Variants in ZFHX3 observed in about 807,000 individuals in gnomAD.
ZFHX3 encodes the protein zinc finger homeobox protein 3.
ZFHX3 carries 42 observed loss-of-function variants against 279.1 expected under a neutral mutation model. The ratio of observed to expected loss-of-function variants is 0.15; its 90% CI spans 0.12 to 0.19. The LOEUF is 0.19. ZFHX3 is among the 10% of genes least tolerant of loss of function. ZFHX3 has a pLI of 1.00. For synonymous variants in ZFHX3, 2,293 were observed against 1,957.8 expected, an observed-to-expected ratio of 1.17 and a Z score of -4.52; for missense variants, 4,981 against 4,754.0, an observed-to-expected ratio of 1.05 and a Z score of -1.40.
At chr16:73,577,827 T>G (rs941471681) in intron 2 of ZFHX3, among the ~76,000 whole-genome samples, 1 of 152,234 alleles carries the variant, frequency 6.6e-6, no homozygotes, top group Non-Finnish European at 1.5e-5. Flanking sequence ...ATTTAATAAC[T>G]GAGTGAAGAG....
At chr16:73,642,526 T>C (rs2052583128) in intron 2 of ZFHX3, among the ~76,000 whole-genome samples, 1 of 152,220 alleles carries the variant, frequency 6.6e-6, no homozygotes. Context: ...TATTCAAAGA[T>C]AAACAGCTCT....
In ZFHX3 at chr16:73,249,087, G is replaced by A. The variant is rs549272139; in HGVS notation, c.-1104+7960C>T. Among the ~76,000 whole-genome samples the A allele has an allele frequency of 1.8e-4, 27 of 152,230 alleles. 1 individual carries two copies. The highest frequency in any genetic ancestry group is 1.1e-3 in the Admixed American group (17 of 15,286). ...CCTCAATAATACGCCTCCTTTCCTT[G>A]AATAATCTATTTCAGTTGCATTATT... On this transcript the variant is annotated intron_variant, in intron 5 of 17. Transcript: ENST00000641206.
At position 73,245,526 on chromosome 16, in the gene ZFHX3, T is replaced by C. The variant is rs372350201; in HGVS notation, c.-1104+11521A>G. 9.9e-5 allele frequency among the ~76,000 whole-genome samples: 15 copies of C among 152,234 alleles called. 1 individual carries two copies. Among genetic ancestry groups the C allele is most frequent in the African/African-American group, 3.6e-4 (15 of 41,532 alleles). ...ATAAATAGATGATGCCTTAAAAAAA[T>C]AGATGATGAATAAGTCATAATAATG... On this transcript the variant is annotated intron_variant, in intron 5 of 17. Coordinates refer to the ZFHX3 transcript ENST00000641206.
At chr16:72,947,963 C>T (rs914732978) in intron 3 of ZFHX3, among the ~76,000 whole-genome samples, 1 of 152,212 alleles carries the variant, frequency 6.6e-6, no homozygotes. Flanking sequence ...CTCAAACCAC[C>T]TCCAATCCCC....
intron 8 of ZFHX3, among the ~76,000 whole-genome samples, chr16:73,080,163 T>G (rs1965927812): frequency 6.6e-6 from 1 of 152,246 alleles, no homozygotes; most frequent in African/African-American, 2.4e-5. Context: ...TCTCCCACAG[T>G]ACAGCAGGAT....
At chr16:73,870,473 C>T (rs887838959) in intron 1 of ZFHX3, among the ~76,000 whole-genome samples, 1 of 152,202 alleles carries the variant, frequency 6.6e-6, no homozygotes, top group Admixed American at 6.5e-5. Flanking sequence ...GCCAAAGCGG[C>T]TTCACACTAG....
chr16:72,805,902 T>C (rs1326572382), intron 7 of ZFHX3: 1 of 152,404 alleles, frequency 6.6e-6, no homozygotes, highest in Non-Finnish European at 1.5e-5. Context: ...TTCTTTCTTT[T>C]TTTTTTTGAG....
intron 3 of ZFHX3, among the ~76,000 whole-genome samples, chr16:73,384,016 T>C (rs997887113): frequency 6.6e-6 from 1 of 152,048 alleles, no homozygotes; most frequent in Non-Finnish European, 1.5e-5. Flanking sequence ...AAGAAAGAAA[T>C]GAATGAATGA....
At chr16:73,748,748 T>C (rs1238070412) in intron 1 of ZFHX3, among the ~76,000 whole-genome samples, 2 of 152,210 alleles carry the variant, frequency 1.3e-5, no homozygotes, top group East Asian at 1.9e-4. Context: ...TTGCCTAGTA[T>C]AAATGGCATG....
chr16:73,630,131 T>C (rs1388258550), intron 2 of ZFHX3, among the ~76,000 whole-genome samples: 34 of 152,218 alleles, frequency 2.2e-4, no homozygotes, highest in Admixed American at 2.2e-3. Context: ...AGAGGTTTTC[T>C]TTAGTGAGAC....
At chr16:73,834,444 C>A (rs1476815701) in intron 1 of ZFHX3, among the ~76,000 whole-genome samples, 1 of 152,172 alleles carries the variant, frequency 6.6e-6, no homozygotes, top group African/African-American at 2.4e-5. Context: ...GGAGGGATGG[C>A]AGGTCCCAAG....
At chr16:73,112,165 C>T (rs1332284191) in intron 7 of ZFHX3, among the ~76,000 whole-genome samples, 1 of 151,866 alleles carries the variant, frequency 6.6e-6, no homozygotes, top group East Asian at 1.9e-4. Flanking sequence ...CTCCTGTCTG[C>T]CCATGGCACC....
intron 4 of ZFHX3, among the ~76,000 whole-genome samples, chr16:72,887,017 C>T (rs2038642962): frequency 6.6e-6 from 1 of 152,190 alleles, no homozygotes; most frequent in South Asian, 2.1e-4. Flanking sequence ...AAAAATTATC[C>T]CGGTACCCAA....
intron 3 of ZFHX3, among the ~76,000 whole-genome samples, chr16:73,392,991 C>T (rs117934006): frequency 0.096 from 14,645 of 152,232 alleles, 768 homozygotes; most frequent in South Asian, 0.16. Flanking sequence ...CCTGCCATGA[C>T]CCCCAGCTAA....
At chr16:73,774,869 A>T (rs968572123) in intron 1 of ZFHX3, among the ~76,000 whole-genome samples, 1 of 152,098 alleles carries the variant, frequency 6.6e-6, no homozygotes, top group Non-Finnish European at 1.5e-5. Flanking sequence ...CCTTGCATGA[A>T]TTGCTCCTAA....
chr16:73,569,743 C>G (rs1018877276), intron 2 of ZFHX3, among the ~76,000 whole-genome samples: 1 of 152,198 alleles, frequency 6.6e-6, no homozygotes, highest in Non-Finnish European at 1.5e-5. Flanking sequence ...CCAGTGAAAC[C>G]TGGATGCACA....
intron 3 of ZFHX3, among the ~76,000 whole-genome samples, chr16:73,343,751 C>G (rs2016077586): frequency 1.3e-5 from 2 of 152,104 alleles, no homozygotes; most frequent in African/African-American, 4.8e-5. Flanking sequence ...GTGAAAAGAA[C>G]AGAAAGGGCT....
intron 4 of ZFHX3, among the ~76,000 whole-genome samples, chr16:72,858,491 TTC>T (rs1322344326): frequency 1.3e-5 from 2 of 152,222 alleles, no homozygotes; most frequent in Admixed American, 6.5e-5. Flanking sequence ...CTGCACTTTA[TTC>T]TCTTTCATAG....
chr16:73,730,245 C>A (rs1035451703), intron 1 of ZFHX3, among the ~76,000 whole-genome samples: 2 of 150,912 alleles, frequency 1.3e-5, no homozygotes, highest in African/African-American at 2.4e-5. Context: ...GATAACTTTG[C>A]TTGCACTGTA....
Sources: allele counts gnomAD v4.1 joint callset (sites outside exome capture counted in the v4.1 genomes callset), GRCh38; gene constraint gnomAD v4.1.1; transcripts MANE v1.5; gene names NCBI Gene and HGNC (gene_info 2026-07-23, HGNC 2026-07-21).